MON2: variants seen among roughly 807,000 people sequenced by gnomAD.
MON2 encodes the protein protein MON2 homolog.
In MON2, 84 loss-of-function variants were observed where a neutral mutation model predicts 208.6. The observed-to-expected ratio is 0.40, with a 90% CI of 0.34 to 0.48. The LOEUF is 0.48. MON2 is among the 20% of genes least tolerant of loss of function. The pLI is 0.59. For missense variants in MON2, 1,611 were observed against 2,015.4 expected (o/e 0.80, Z 3.84); for synonymous variants, 660 against 694.0 (o/e 0.95, Z 0.77).
rs577924764 is a variant in MON2, at chr12:62,568,776, C to A, written c.4323+2326C>A. 3.3e-5 allele frequency among the ~76,000 whole-genome samples: 5 copies of A among 152,256 alleles called. No homozygotes were observed. In the South Asian group the frequency reaches 1.0e-3, roughly 32 times the overall value. ...CAAGCAGTTCTCCTGCCTCAGCCCC[C>A]TGAGTAGCTGGGAATACAGGCACAC... On this transcript the variant is annotated intron_variant, in intron 29 of 34. Transcript: ENST00000393630.
Position 62,558,641 on chromosome 12 carries a change from C to G in MON2, c.3410-1850C>G, listed in dbSNP as rs561624168. ...TGTAATTTGTCAAAACTCTTTTAAACAGTTTACTTAAAATTCTGTGTTTTT... is the reference window on the plus strand; with the variant it reads ...TGTAATTTGTCAAAACTCTTTTAAAGAGTTTACTTAAAATTCTGTGTTTTT... On this transcript the variant is annotated intron_variant, in intron 25 of 34. Coordinates refer to ENST00000393630, the MANE Select transcript of MON2 (RefSeq NM_015026.3). 1.2e-3 allele frequency among the ~76,000 whole-genome samples: 176 copies of G among 151,074 alleles called. 1 individual carries two copies. In the Middle Eastern group the frequency reaches 0.017, roughly 15 times the overall value.
intron 8 of MON2, among the ~76,000 whole-genome samples, chr12:62,512,554 T>G (rs967646825): frequency 2.0e-5 from 3 of 152,196 alleles, no homozygotes; most frequent in African/African-American, 7.2e-5. Flanking sequence ...GCAGCTCCAC[T>G]CCTGTGGCTT....
intron 2 of MON2, chr12:62,484,915 C>CTTTTTTTTTTTTTTTTTTTTT (rs71084000): frequency 7.5e-6 from 1 of 132,550 alleles, no homozygotes; most frequent in Non-Finnish European, 1.6e-5. Flanking sequence ...GGTAAACTGG[C>CTTTTTTTTTTTTTTTTTTTTT]TTTTTTTTTT....
intron 12 of MON2, among the ~76,000 whole-genome samples, chr12:62,534,536 AAAAAAAATAT>A (rs1236657266): frequency 2.2e-3 from 62 of 28,466 alleles, no homozygotes; most frequent in East Asian, 7.5e-3. Context: ...AAAAAAAAAA[AAAAAAAATAT>A]ATATATATAT....
intron 1 of MON2, among the ~76,000 whole-genome samples, chr12:62,468,700 ATATC>A (rs1231936276): frequency 3.9e-5 from 6 of 152,036 alleles, no homozygotes; most frequent in African/African-American, 1.4e-4. Flanking sequence ...CATTTTTTTT[ATATC>A]CTCTGTTGAA....
chr12:62,544,738 T>G (rs1457924194), intron 20 of MON2, 160 bp from the exon 21 acceptor site: 2 of 1,522,754 alleles, frequency 1.3e-6, no homozygotes, highest in Admixed American at 4.0e-5. Context: ...CTTCTGTCTC[T>G]CTATTGCTTG....
chr12:62,510,038 G>A (rs1352102834), intron 8 of MON2, among the ~76,000 whole-genome samples: 1 of 152,060 alleles, frequency 6.6e-6, no homozygotes, highest in Non-Finnish European at 1.5e-5. Context: ...GAAGAATTAT[G>A]TGCCAACAAA....
intron 20 of MON2, 112 bp downstream of exon 20, chr12:62,543,310 C>G (rs1294056813): frequency 1.2e-5 from 6 of 508,684 alleles, no homozygotes; most frequent in Non-Finnish European, 2.0e-5. Context: ...TCCCCCTTTC[C>G]TGACTGTGTA....
At chr12:62,475,738 A>G (rs1206714875) in intron 1 of MON2, among the ~76,000 whole-genome samples, 1 of 144,908 alleles carries the variant, frequency 6.9e-6, no homozygotes, top group African/African-American at 2.5e-5. Context: ...AGCCGGGCAC[A>G]GTGGCTCATG....
Position 62,493,995 on chromosome 12 carries a change from T to C in MON2, c.256T>C (p.Cys86Arg). The C allele has an allele frequency of 6.2e-7, 1 of 1,613,320 alleles. No homozygotes were observed. The highest frequency in any genetic ancestry group is 8.5e-7 in the Non-Finnish European group (1 of 1,179,418). ...CAAGGAACCGAAGATCACTCAGCTA[T>C]GTTTGGCTGCTATTCAGAGACTCAT... The part of the protein sequence containing the change: ...GTKEPKITQL[C>R]LAAIQRLMSH... Residue 86 changes from cysteine to arginine, a missense_variant, in exon 3 of 35, where the codon TGT (cysteine) becomes CGT (arginine). By Grantham distance (180) the Cys-to-Arg change is radical. Transcript: ENST00000393630.
intron 29 of MON2, 77 bp downstream of exon 29, chr12:62,566,527 C>A: frequency 8.0e-7 from 1 of 1,257,312 alleles, no homozygotes. Flanking sequence ...AATACATTAT[C>A]ATTATATTGG....
chr12:62,580,221 T>A, intron 31 of MON2, 76 bp from the exon 32 acceptor site: 1 of 1,424,074 alleles, frequency 7.0e-7, no homozygotes, highest in Non-Finnish European at 9.6e-7. Flanking sequence ...AAAGTAAAAT[T>A]TAAATTTTAC....
chr12:62,475,152 G>C (rs1166211177), intron 1 of MON2, among the ~76,000 whole-genome samples: 1 of 151,934 alleles, frequency 6.6e-6, no homozygotes, highest in East Asian at 1.9e-4. Context: ...ATGCCTTTAT[G>C]CTTCACCCCA....
intron 8 of MON2, among the ~76,000 whole-genome samples, chr12:62,510,934 G>A (rs1433192203): frequency 6.6e-6 from 1 of 152,138 alleles, no homozygotes; most frequent in Non-Finnish European, 1.5e-5. Context: ...AATAAACATA[G>A]CAAAGTTGCA....
At position 62,599,331 on chromosome 12, in the gene MON2, G is replaced by T. The variant is rs570778737; in HGVS notation, c.*6582G>T. The stretch of plus-strand genomic sequence containing the variant: ...CTTATGAGCATTTTTTTTTAATTTG[G>T]TGAAGCTGTTTTGAAACTGCCTGTC... On this transcript the variant is annotated 3_prime_UTR_variant, in exon 35 of 35. Coordinates refer to ENST00000393630, the MANE Select transcript of MON2 (RefSeq NM_015026.3). 4 of 151,980 alleles carry T rather than the reference G, an allele frequency of 2.6e-5. No individual in the cohort carries two copies. Among genetic ancestry groups the T allele is most frequent in the Non-Finnish European group, 5.9e-5 (4 of 67,938 alleles). The allele number at this position is 151,980 out of a possible 1,614,324, so 9.4% of individuals were successfully genotyped here. A position where few individuals can be genotyped will look rare whatever the true frequency, so the allele number is the denominator to read the frequency against.
intron 23 of MON2, among the ~76,000 whole-genome samples, chr12:62,551,967 AT>A (rs1412659182): frequency 6.6e-6 from 1 of 151,754 alleles, no homozygotes. Context: ...TAAATAGAAA[AT>A]TTTTTTTTAA....
At chr12:62,512,866 C>G (rs2071484357) in intron 8 of MON2, among the ~76,000 whole-genome samples, 2 of 152,218 alleles carry the variant, frequency 1.3e-5, no homozygotes, top group African/African-American at 2.4e-5. Flanking sequence ...GCAGAGGTTT[C>G]CAAACCTCAA....
At chr12:62,534,758 T>C in intron 12 of MON2, 87 bp from the exon 13 acceptor site, 1 of 895,752 alleles carries the variant, frequency 1.1e-6, no homozygotes, top group South Asian at 1.5e-5. Context: ...TGACATATTG[T>C]CTGGGAAAAT....
chr12:62,496,875 C>G (rs1017208102), intron 4 of MON2, among the ~76,000 whole-genome samples: 4 of 148,902 alleles, frequency 2.7e-5, no homozygotes, highest in Non-Finnish European at 5.9e-5. Context: ...TATTGCGGCA[C>G]TATTCACAAT....
Sources: gnomAD v4.1 joint callset for allele counts (sites outside exome capture counted in the v4.1 genomes callset) on GRCh38, gnomAD v4.1.1 for gene constraint, MANE v1.5 for transcripts, NCBI Gene and HGNC (gene_info 2026-07-23, HGNC 2026-07-21) for gene names.